The following NR5A2 variants were observed in gnomAD, a reference collection of about 807,000 sequenced individuals.
NR5A2 encodes the protein CYP7A promoter-binding factor.
A neutral mutation model predicts 62.7 loss-of-function variants in NR5A2; 26 were observed. That is an observed-to-expected ratio of 0.41 (90% CI 0.30 to 0.58). The LOEUF (loss-of-function observed/expected upper bound fraction) is 0.58, where lower values mean the gene tolerates loss of function less well. NR5A2 is among the 20% of genes least tolerant of loss of function. The pLI is 0.22. For missense variants in NR5A2, 541 were observed against 669.1 expected (o/e 0.81, Z 2.11); for synonymous variants, 246 against 241.7 (o/e 1.02, Z -0.16).
chr1:200,114,062 G>A (rs1666091880), intron 6 of NR5A2, among the ~76,000 whole-genome samples: 1 of 151,842 alleles, frequency 6.6e-6, no homozygotes, highest in African/African-American at 2.4e-5. Flanking sequence ...ATGCGTCTGT[G>A]GTCCCAGCTA....
intron 5 of NR5A2, among the ~76,000 whole-genome samples, chr1:200,093,628 C>A (rs533140221): frequency 6.6e-6 from 1 of 152,100 alleles, no homozygotes; most frequent in Non-Finnish European, 1.5e-5. Flanking sequence ...GTTACAAGCT[C>A]GTTGAAAAGT....
chr1:200,146,494 C>A (rs1175977442), intron 7 of NR5A2, among the ~76,000 whole-genome samples: 7 of 152,104 alleles, frequency 4.6e-5, no homozygotes, highest in Non-Finnish European at 8.8e-5. Context: ...ATGGAAACCA[C>A]CTGGAATTCT....
chr1:200,073,001 G>T (rs933739744), intron 5 of NR5A2, among the ~76,000 whole-genome samples: 1 of 152,072 alleles, frequency 6.6e-6, no homozygotes, highest in African/African-American at 2.4e-5. Flanking sequence ...TCCTCTAGGT[G>T]ACACAAGATG....
At chr1:200,092,284 A>T (rs899723144) in intron 5 of NR5A2, among the ~76,000 whole-genome samples, 1 of 152,060 alleles carries the variant, frequency 6.6e-6, no homozygotes, top group African/African-American at 2.4e-5. Flanking sequence ...ACTCTACAAG[A>T]CCTCCTTCCC....
At chr1:200,136,815 C>T (rs1667241386) in intron 7 of NR5A2, among the ~76,000 whole-genome samples, 1 of 151,814 alleles carries the variant, frequency 6.6e-6, no homozygotes, top group Non-Finnish European at 1.5e-5. Flanking sequence ...TTAATAATTC[C>T]CCCTCATCAA....
chr1:200,077,620 A>T (rs1299136032), intron 5 of NR5A2, among the ~76,000 whole-genome samples: 1 of 152,214 alleles, frequency 6.6e-6, no homozygotes, highest in Non-Finnish European at 1.5e-5. Flanking sequence ...AGGCTGAGGC[A>T]GGAGAATCGC....
chr1:200,050,005 G>A (rs753826747), intron 5 of NR5A2, among the ~76,000 whole-genome samples: 2 of 152,154 alleles, frequency 1.3e-5, no homozygotes, highest in African/African-American at 2.4e-5. Flanking sequence ...CCATCAGCAC[G>A]CTGTTAAGAC....
chr1:200,057,459 G>A (rs948899186), intron 5 of NR5A2: 9 of 242,272 alleles, frequency 3.7e-5, no homozygotes, highest in Non-Finnish European at 6.6e-5. Flanking sequence ...TAATTGATTC[G>A]TAAAAGTTTG....
chr1:200,147,273 G>A lies in NR5A2; in HGVS notation c.1378+26318G>A, dbSNP rs1005219805. Reference sequence around the variant, plus strand: ...GTCAGGAGACCTTAGCAATGGCCCAGGTTCGCTGGCTGCATCTGCTGTGCC... The same window carrying A: ...GTCAGGAGACCTTAGCAATGGCCCAAGTTCGCTGGCTGCATCTGCTGTGCC... On this transcript the variant is annotated intron_variant, in intron 7 of 7. Coordinates refer to ENST00000367362, the MANE Select transcript of NR5A2 (RefSeq NM_205860.3). This position sits in a 1 kb window ranked among gnomAD's most constrained non-coding sequence, Gnocchi z 4.9. 1.5e-4 allele frequency among the ~76,000 whole-genome samples: 23 copies of A among 152,336 alleles called. No individual in the cohort carries two copies. The highest frequency in any genetic ancestry group is 8.3e-4 in the South Asian group (4 of 4,826).
chr1:200,147,383 C>T lies in NR5A2; in HGVS notation c.1378+26428C>T. 2.7e-6 allele frequency: 1 copy of T among 366,020 alleles called. No homozygotes were observed. Among genetic ancestry groups the T allele is most frequent in the East Asian group, 6.6e-5 (1 of 15,252 alleles). 22.7% of individuals were successfully genotyped at this position (366,020 alleles called of 1,614,324 possible). A position where few individuals can be genotyped will look rare whatever the true frequency, so the allele number is the denominator to read the frequency against. On this transcript the variant is annotated intron_variant, in intron 7 of 7. Coordinates refer to ENST00000367362, the MANE Select transcript of NR5A2 (RefSeq NM_205860.3). This position sits in a 1 kb window ranked among gnomAD's most constrained non-coding sequence, Gnocchi z 4.9. ...CTGACTCCCCCAGGCCACCTTAGTTCCTCTCGGAGTCTGTATGGGTCTGGG... is the reference window on the plus strand; with the variant it reads ...CTGACTCCCCCAGGCCACCTTAGTTTCTCTCGGAGTCTGTATGGGTCTGGG...
rs1250760390 is a variant in NR5A2, at chr1:200,175,991, A to G, written c.*1781A>G. 1 of 152,686 alleles carries G rather than the reference A, an allele frequency of 6.5e-6. No individual in the cohort carries two copies. The highest frequency in any genetic ancestry group is 1.5e-5 in the Non-Finnish European group (1 of 68,044). 9.5% of individuals were successfully genotyped at this position (152,686 alleles called of 1,614,324 possible). On this transcript the variant is annotated 3_prime_UTR_variant, in exon 8 of 8. Transcript: ENST00000367362. Reference sequence around the variant, plus strand: ...TCTTGGTTTCACCTTTGTATAAGATATAGCCAAGACTGAAGAAACCAAATA... The same window carrying G: ...TCTTGGTTTCACCTTTGTATAAGATGTAGCCAAGACTGAAGAAACCAAATA...
intron 5 of NR5A2, among the ~76,000 whole-genome samples, chr1:200,069,803 A>G (rs1286734053): frequency 6.6e-6 from 1 of 152,170 alleles, no homozygotes; most frequent in Non-Finnish European, 1.5e-5. Context: ...GCCAAAGTAA[A>G]AAGATTAGAA....
At chr1:200,043,082 G>T in intron 2 of NR5A2, 1 of 811,832 alleles carries the variant, frequency 1.2e-6, no homozygotes, top group Non-Finnish European at 1.5e-6. Context: ...TTCCCCGTAC[G>T]GGCGTCCTCT....
intron 7 of NR5A2, among the ~76,000 whole-genome samples, chr1:200,140,135 C>T (rs1667383334): frequency 6.6e-6 from 1 of 151,962 alleles, no homozygotes; most frequent in Non-Finnish European, 1.5e-5. Flanking sequence ...GACACAGTCT[C>T]AATTTTAGAT....
chr1:200,028,598 T>G (rs1207152446), intron 1 of NR5A2, among the ~76,000 whole-genome samples: 1 of 152,228 alleles, frequency 6.6e-6, no homozygotes, highest in African/African-American at 2.4e-5. Flanking sequence ...ATAGCAAGAC[T>G]ACATTCAATT....
At chr1:200,029,787 C>A (rs3828115) in intron 1 of NR5A2, 21,325 of 152,152 alleles carry the variant, frequency 0.14, 2,333 homozygotes, top group African/African-American at 0.31. Context: ...CCAACCCAAG[C>A]ACATCCCCTC....
rs745723899 is a variant in NR5A2, at chr1:200,039,789, A to G, written c.196A>G (p.Met66Val). 4 of 1,599,536 alleles carry G rather than the reference A, an allele frequency of 2.5e-6. No individual in the cohort carries two copies. Among genetic ancestry groups the G allele is most frequent in the East Asian group, 4.7e-5 (2 of 42,812 alleles). ...HGEQGQMPEN[M>V]QVSQFKMVNY... ...GGAACAGGGCCAGATGCCGGAAAAC[A>G]TGCAAGGTAAGGAGGCGCCGCGCGG... The change falls in exon 2 of 8, where the codon ATG (methionine) becomes GTG (valine). Residue 66 changes from methionine (M) to valine (V), a missense_variant. Around this residue, in one of 3 missense-constraint regions of NR5A2, gnomAD observed 108 missense variants for 103.3 expected, o/e 1.05. Coordinates refer to ENST00000367362, the MANE Select transcript of NR5A2 (RefSeq NM_205860.3). This position sits in a 1 kb window ranked among gnomAD's most constrained non-coding sequence, Gnocchi z 5.1.
chr1:200,149,087 A>AT (rs374402215), intron 7 of NR5A2, among the ~76,000 whole-genome samples: 84 of 152,068 alleles, frequency 5.5e-4, no homozygotes, highest in African/African-American at 2.0e-3. Flanking sequence ...TAATTTTTGT[A>AT]TTTTTAGTAG....
At chr1:200,087,311 C>G (rs181296441) in intron 5 of NR5A2, among the ~76,000 whole-genome samples, 1 of 152,158 alleles carries the variant, frequency 6.6e-6, no homozygotes, top group African/African-American at 2.4e-5. Flanking sequence ...TAAGTTTGTC[C>G]TTTCAGTTCA....
Sources: gnomAD v4.1 joint callset for allele counts (sites outside exome capture counted in the v4.1 genomes callset) on GRCh38, gnomAD v4.1.1 for gene constraint, gnomAD v4.1.1 regional missense constraint, Gnocchi (gnomAD v3.1) non-coding constraint, MANE v1.5 for transcripts, NCBI Gene and HGNC (gene_info 2026-07-23, HGNC 2026-07-21) for gene names.